The following FGD3 variants were observed in gnomAD, a reference collection of about 807,000 sequenced individuals.
The protein encoded by FGD3 is FYVE, RhoGEF and PH domain-containing protein 3.
FGD3 carries 45 observed loss-of-function variants against 71.8 expected under a neutral mutation model. That is an observed-to-expected ratio of 0.63 (90% CI 0.49 to 0.80). The LOEUF is 0.80. Ranked by LOEUF, FGD3 falls within the 30% of genes least tolerant of loss-of-function variation. The pLI, the probability that FGD3 is intolerant of heterozygous loss-of-function variation, is 0.00. For synonymous variants in FGD3, 378 were observed against 392.8 expected (o/e 0.96, Z 0.44); for missense variants, 844 against 951.5 (o/e 0.89, Z 1.49).
rs1477778848 is a variant in FGD3, at chr9:93,035,467, T to C, written c.2056T>C (p.Ser686Pro). 2.5e-6 allele frequency: 4 copies of C among 1,613,488 alleles called. No homozygotes were observed. The highest frequency in any genetic ancestry group is 3.4e-6 in the Non-Finnish European group (4 of 1,179,938). The change falls in exon 18 of 18, where the codon TCC (serine) becomes CCC (proline). Residue 686 changes from serine to proline, a missense_variant. Transcript: ENST00000375482. ...WAKQSWYLSASSAELQQQWLE... is the reference protein window; with the variant it reads ...WAKQSWYLSAPSAELQQQWLE... ...CAAGCAGTCCTGGTACCTGAGCGCC[T>C]CCTCCGCAGAGCTGCAGCAGCAGTG...
rs916047102 is a variant in FGD3, at chr9:93,020,517, C to T, written c.1494+93C>T. ...CTGGCGTCTGGGTGGGCAGCTTGAC[C>T]TCCAGGCTTTCCTCCTGCTACACCA... On this transcript the variant is annotated intron_variant, in intron 13 of 17. Coordinates refer to ENST00000375482, the MANE Select transcript of FGD3 (RefSeq NM_001083536.2). 3.9e-6 allele frequency: 4 copies of T among 1,035,200 alleles called. No homozygotes were observed. In the African/African-American group the frequency reaches 6.4e-5, roughly 16 times the overall value. 64.1% of individuals were successfully genotyped at this position (1,035,200 alleles called of 1,614,324 possible).
At chr9:92,955,845 T>C (rs1336799952) in intron 1 of FGD3, among the ~76,000 whole-genome samples, 1 of 152,228 alleles carries the variant, frequency 6.6e-6, no homozygotes, top group Non-Finnish European at 1.5e-5. Context: ...GAAATTATCT[T>C]TCTTCCACCA....
chr9:92,992,646 C>T (rs1347422871), intron 3 of FGD3, among the ~76,000 whole-genome samples: 2 of 152,078 alleles, frequency 1.3e-5, no homozygotes, highest in Non-Finnish European at 2.9e-5. Flanking sequence ...TTCAAGCACT[C>T]ATGTGGTCTT....
chr9:92,965,520 G>A (rs1859289360), intron 1 of FGD3, among the ~76,000 whole-genome samples: 2 of 152,236 alleles, frequency 1.3e-5, no homozygotes, highest in Admixed American at 6.5e-5. Flanking sequence ...GCCAGAGGAG[G>A]CCCCGGTTCC....
At chr9:93,004,162 TG>T in intron 5 of FGD3, 25 bp downstream of exon 5, 4 of 1,611,630 alleles carry the variant, frequency 2.5e-6, no homozygotes, top group Non-Finnish European at 3.4e-6. Context: ...CGCATGCCCA[TG>T]GGGCCCCTCA....
chr9:92,975,117 C>G (rs1187784576), intron 1 of FGD3, 121 bp from the exon 2 acceptor site: 1 of 152,488 alleles, frequency 6.6e-6, no homozygotes, highest in South Asian at 2.1e-4. Flanking sequence ...TCCTGGAGTC[C>G]ACCATGCTGG....
chr9:93,017,417 T>G (rs1414138578), intron 10 of FGD3, among the ~76,000 whole-genome samples: 2 of 152,200 alleles, frequency 1.3e-5, no homozygotes, highest in African/African-American at 4.8e-5. Context: ...CATATTTTGA[T>G]TTAGCAAATA....
chr9:93,015,880 C>T (rs761137805), intron 10 of FGD3, 51 bp downstream of exon 10: 3 of 1,539,084 alleles, frequency 1.9e-6, no homozygotes, highest in Admixed American at 3.3e-5. Context: ...GGGCACTGAG[C>T]AGGACTGGGG....
chr9:92,957,707 C>T (rs1443283946), intron 1 of FGD3, among the ~76,000 whole-genome samples: 2 of 125,432 alleles, frequency 1.6e-5, no homozygotes, highest in South Asian at 5.0e-4. Context: ...GAGACAGAGT[C>T]TCGCTCTGTT....
At chr9:93,026,382 G>A (rs551418711) in intron 14 of FGD3, among the ~76,000 whole-genome samples, 27 of 152,170 alleles carry the variant, frequency 1.8e-4, no homozygotes, top group East Asian at 7.7e-4. Flanking sequence ...ACAAAGGGGC[G>A]TGTGCATGGC....
intron 1 of FGD3, among the ~76,000 whole-genome samples, chr9:92,966,059 T>C (rs894501601): frequency 6.6e-6 from 1 of 152,218 alleles, no homozygotes; most frequent in African/African-American, 2.4e-5. Context: ...CTGTCGGGGC[T>C]GAGCCGGTCG....
intron 3 of FGD3, among the ~76,000 whole-genome samples, chr9:92,998,909 A>C (rs1433572604): frequency 6.6e-6 from 1 of 152,104 alleles, no homozygotes; most frequent in Non-Finnish European, 1.5e-5. Flanking sequence ...CAGTTAGGCT[A>C]CTCGGGGGTC....
intron 9 of FGD3, among the ~76,000 whole-genome samples, chr9:93,014,697 A>G (rs1861594185): frequency 1.3e-5 from 2 of 152,148 alleles, no homozygotes; most frequent in Admixed American, 6.5e-5. Context: ...GCTGGAGTAC[A>G]GTGGCTCAAT....
intron 1 of FGD3, among the ~76,000 whole-genome samples, chr9:92,953,769 A>G (rs1337925405): frequency 6.6e-6 from 1 of 152,236 alleles, no homozygotes; most frequent in Non-Finnish European, 1.5e-5. Context: ...TGTAATTTCA[A>G]TTTAAAGTAA....
chr9:93,002,260 T>TA (rs1162115587), intron 3 of FGD3, among the ~76,000 whole-genome samples: 2 of 152,098 alleles, frequency 1.3e-5, no homozygotes, highest in Non-Finnish European at 2.9e-5. Context: ...CACTGAAACT[T>TA]ACAGAGGTTT....
chr9:92,956,833 T>C (rs530504664), intron 1 of FGD3, among the ~76,000 whole-genome samples: 5 of 135,552 alleles, frequency 3.7e-5, no homozygotes, highest in African/African-American at 1.4e-4. Context: ...ATAATTGCTT[T>C]CTTTCTTTTT....
intron 13 of FGD3, 61 bp from the exon 14 acceptor site, chr9:93,022,266 G>T: frequency 6.5e-7 from 1 of 1,544,220 alleles, no homozygotes; most frequent in Non-Finnish European, 8.9e-7. Context: ...CTGTCCCCCC[G>T]CTGCACAGTG....
chr9:92,976,314 C>G lies in FGD3; in HGVS notation c.58C>G (p.Pro20Ala). ...PPGPIAALGM[P>A]DTGPGSSSLG... ...AGGACCCATTGCTGCCCTAGGGATG[C>G]CAGACACTGGGCCTGGCAGTTCCTC... The change falls in exon 3 of 18, where the codon CCA becomes GCA. Residue 20 changes from proline to alanine, a missense_variant. Physicochemically the swap from Pro to Ala is conservative, Grantham distance 27 (BLOSUM62 -1). Coordinates refer to ENST00000375482, the MANE Select transcript of FGD3 (RefSeq NM_001083536.2). 6.2e-7 allele frequency: 1 copy of G among 1,610,226 alleles called. No homozygotes were observed. Among genetic ancestry groups the G allele is most frequent in the Non-Finnish European group, 8.5e-7 (1 of 1,178,302 alleles).
rs183734981 is a variant in FGD3, at chr9:92,965,997, G to T, written c.-217-9241G>T. Among the ~76,000 whole-genome samples, 1,354 of 152,326 alleles carry T rather than the reference G, an allele frequency of 8.9e-3. 5 individuals carry two copies. The highest frequency in any genetic ancestry group is 0.015 in the Non-Finnish European group (1,027 of 68,016). ...ACAATGAACAAGGACAGGAGGAAGA[G>T]CAGAGCCGGGCACTGTGGTGCCTGC... is the stretch of plus-strand genomic sequence containing the variant. On this transcript the variant is annotated intron_variant, in intron 1 of 17. Transcript: ENST00000375482.
Sources: gnomAD v4.1 joint callset for allele counts (sites outside exome capture counted in the v4.1 genomes callset) on GRCh38, gnomAD v4.1.1 for gene constraint, MANE v1.5 for transcripts, NCBI Gene and HGNC (gene_info 2026-07-23, HGNC 2026-07-21) for gene names.